Variants in PCCA observed in about 807,000 individuals in gnomAD.
PCCA encodes propionyl-CoA carboxylase subunit alpha.
In PCCA, 74 loss-of-function variants were observed where a neutral mutation model predicts 101.3. The ratio of observed to expected loss-of-function variants is 0.73; its 90% CI spans 0.61 to 0.89. The LOEUF (loss-of-function observed/expected upper bound fraction) is 0.89. PCCA is among the 40% of genes least tolerant of loss of function. The pLI is 0.00. For synonymous variants in PCCA, 294 were observed against 313.6 expected, an observed-to-expected ratio of 0.94 and a Z score of 0.66; for missense variants, 891 against 907.0, an observed-to-expected ratio of 0.98 and a Z score of 0.23.
chr13:100,109,577 C>G (rs892591242), intron 2 of PCCA, among the ~76,000 whole-genome samples: 1 of 152,102 alleles, frequency 6.6e-6, no homozygotes, highest in Non-Finnish European at 1.5e-5. Flanking sequence ...ACATTGTGTT[C>G]TCAGGATATG....
At chr13:100,214,282 T>C (rs2059388122) in intron 7 of PCCA, among the ~76,000 whole-genome samples, 1 of 152,166 alleles carries the variant, frequency 6.6e-6, no homozygotes, top group Admixed American at 6.5e-5. Flanking sequence ...AAGGATTATA[T>C]TGAATCGGTA....
intron 21 of PCCA, among the ~76,000 whole-genome samples, chr13:100,454,045 G>T (rs2081536746): frequency 3.3e-5 from 5 of 151,862 alleles, no homozygotes; most frequent in African/African-American, 1.2e-4. Flanking sequence ...TAATTTTTTT[G>T]TATTTTTAGT....
intron 21 of PCCA, among the ~76,000 whole-genome samples, chr13:100,505,440 G>T (rs564469151): frequency 6.6e-6 from 1 of 152,188 alleles, no homozygotes; most frequent in Non-Finnish European, 1.5e-5. Flanking sequence ...TCCTTTCTTT[G>T]ATTTTAGAGC....
intron 20 of PCCA, among the ~76,000 whole-genome samples, chr13:100,437,818 G>A (rs924135981): frequency 3.3e-5 from 5 of 151,992 alleles, no homozygotes; most frequent in African/African-American, 9.7e-5. Flanking sequence ...ACAGGCACCT[G>A]CCACCATGCC....
intron 19 of PCCA, among the ~76,000 whole-genome samples, chr13:100,422,061 T>A (rs1383226755): frequency 4.4e-5 from 2 of 45,710 alleles, no homozygotes; most frequent in Non-Finnish European, 9.3e-5. Flanking sequence ...CCTTTTCTCT[T>A]CTCTTTTCTT....
chr13:100,471,985 T>G (rs1446227082), intron 21 of PCCA, among the ~76,000 whole-genome samples: 2 of 151,860 alleles, frequency 1.3e-5, no homozygotes, highest in Non-Finnish European at 2.9e-5. Flanking sequence ...ACTTGGAGAG[T>G]GAGTGGAGTA....
rs945209852 is a variant in PCCA at position 100,348,498 on chromosome 13, A to C, written c.1643+8239A>C. Reference sequence around the variant, plus strand: ...TATATTGACAGAAATGAATCATTAAAAGCTAGTTATATTAAACAACCACTT... The same window carrying C: ...TATATTGACAGAAATGAATCATTAACAGCTAGTTATATTAAACAACCACTT... On this transcript the variant is annotated intron_variant, in intron 18 of 23. Transcript: ENST00000376285. Among the ~76,000 whole-genome samples, 63 of 152,196 alleles carry C rather than the reference A, an allele frequency of 4.1e-4. 1 individual carries two copies. Among genetic ancestry groups the C allele is most frequent in the Non-Finnish European group, 1.0e-4 (7 of 68,032 alleles).
intron 6 of PCCA, among the ~76,000 whole-genome samples, chr13:100,206,125 A>G (rs900917078): frequency 1.3e-5 from 2 of 152,080 alleles, no homozygotes; most frequent in Admixed American, 1.3e-4. Context: ...TTTGATAGAG[A>G]GATACTTTAT....
intron 6 of PCCA, among the ~76,000 whole-genome samples, chr13:100,167,658 G>T (rs1296397338): frequency 6.6e-6 from 1 of 152,092 alleles, no homozygotes. Context: ...TATAGTTTTA[G>T]ATCTCTGATC....
intron 8 of PCCA, among the ~76,000 whole-genome samples, chr13:100,247,786 G>C (rs973720971): frequency 3.9e-5 from 6 of 152,122 alleles, no homozygotes; most frequent in African/African-American, 1.4e-4. Flanking sequence ...AAAGTGCTGG[G>C]ATTATAGGCA....
chr13:100,158,474 C>G (rs1339982376), intron 6 of PCCA, among the ~76,000 whole-genome samples: 2 of 152,190 alleles, frequency 1.3e-5, no homozygotes, highest in East Asian at 1.9e-4. Context: ...AAAGAGATAT[C>G]CTGAGGGGGC....
intron 7 of PCCA, among the ~76,000 whole-genome samples, chr13:100,217,796 T>TTG (rs200458215): frequency 1.4e-4 from 14 of 98,158 alleles, no homozygotes; most frequent in African/African-American, 3.7e-4. Context: ...CGGAGGTTTT[T>TTG]TGTGTGTGTG....
Position 100,487,079 on chromosome 13 carries a change from C to T in PCCA, c.1900-28348C>T, listed in dbSNP as rs144085613. Among the ~76,000 whole-genome samples, 163 of 152,086 alleles carry T rather than the reference C, an allele frequency of 1.1e-3. 1 individual carries two copies. Among genetic ancestry groups the T allele is most frequent in the African/African-American group, 3.4e-3 (143 of 41,484 alleles). Reference sequence around the variant, plus strand: ...TCAGCAATATATTTGAAAAATACACCAAGGTAAAGGAGTTGTGCTAATTAA... The same window carrying T: ...TCAGCAATATATTTGAAAAATACACTAAGGTAAAGGAGTTGTGCTAATTAA... On this transcript the variant is annotated intron_variant, in intron 21 of 23. Transcript: ENST00000376285.
intron 2 of PCCA, among the ~76,000 whole-genome samples, chr13:100,104,250 G>C (rs535259586): frequency 1.3e-5 from 2 of 152,250 alleles, no homozygotes; most frequent in Non-Finnish European, 2.9e-5. Context: ...AGATTCTTTT[G>C]AATCTGGAGG....
intron 16 of PCCA, among the ~76,000 whole-genome samples, chr13:100,319,956 C>T (rs2067832056): frequency 6.6e-6 from 1 of 152,142 alleles, no homozygotes; most frequent in South Asian, 2.1e-4. Flanking sequence ...TCTTCCTATC[C>T]ATGAGCATGG....
At chr13:100,408,457 T>C (rs1393170126) in intron 19 of PCCA, among the ~76,000 whole-genome samples, 2 of 152,252 alleles carry the variant, frequency 1.3e-5, no homozygotes, top group Non-Finnish European at 2.9e-5. Flanking sequence ...AACTGAAAGG[T>C]ATCACAGTTT....
intron 20 of PCCA, among the ~76,000 whole-genome samples, chr13:100,446,996 T>G (rs1464213163): frequency 6.6e-6 from 1 of 152,264 alleles, no homozygotes; most frequent in East Asian, 1.9e-4. Flanking sequence ...TTACATTTCT[T>G]GCCATTGTTC....
At chr13:100,286,930 A>C (rs2064724173) in intron 12 of PCCA, among the ~76,000 whole-genome samples, 2 of 152,080 alleles carry the variant, frequency 1.3e-5, no homozygotes, top group African/African-American at 4.8e-5. Flanking sequence ...TTGTGATTTC[A>C]GGAGTGACAT....
In PCCA at chr13:100,307,261, GTTAGT is replaced by G. The variant is rs764045674; in HGVS notation, c.1353+5_1353+9del. 6 of 1,581,912 alleles carry G rather than the reference GTTAGT, an allele frequency of 3.8e-6. No individual in the cohort carries two copies. The South Asian group carries it at 4.4e-5, about 12-fold the overall frequency. On this transcript the variant is annotated splice_donor_variant and splice_donor_5th_base_variant and intron_variant, in intron 15 of 23. Transcript: ENST00000376285. LOFTEE classifies it high-confidence loss of function. ...TTATTATGATCCTATGATTTCAAAA[GTTAGT>G]TTAATTTCTCAATGGATTATTTGAT...
Sources: allele counts gnomAD v4.1 joint callset (sites outside exome capture counted in the v4.1 genomes callset), GRCh38; gene constraint gnomAD v4.1.1; transcripts MANE v1.5; gene names NCBI Gene and HGNC (gene_info 2026-07-23, HGNC 2026-07-21).